ACP4: variants seen among roughly 807,000 people sequenced by gnomAD.
ACP4 encodes the protein acid phosphatase 4, also known as testicular acid phosphatase.
A neutral mutation model predicts 47.3 loss-of-function variants in ACP4; 49 were observed. The observed-to-expected ratio is 1.04, with a 90% CI of 0.82 to 1.32. The LOEUF (loss-of-function observed/expected upper bound fraction) is 1.32. Among genes scored for constraint, ACP4 ranks in the 40% most tolerant of loss-of-function variants. ACP4 has a pLI of 0.00. For missense variants in ACP4, 594 were observed against 579.3 expected, an observed-to-expected ratio of 1.03 and a Z score of -0.26; for synonymous variants, 299 against 265.3, an observed-to-expected ratio of 1.13 and a Z score of -1.23.
intron 6 of ACP4, chr19:50,792,676 CTTT>C (rs781192952): frequency 2.0e-3 from 221 of 110,626 alleles, no homozygotes; most frequent in Middle Eastern, 9.8e-3. Context: ...TGATGCAATG[CTTT>C]TTTTTTTTTT....
At position 50,794,523 on chromosome 19, in the gene ACP4, G is replaced by C. The variant is rs776638587; in HGVS notation, c.928G>C (p.Ala310Pro). ...GLYDGHTPPY[A>P]ACLGFEFRKH... Reference sequence around the variant, plus strand: ...CTATGATGGACACACCCCGCCATATGCTGCCTGCCTCGGCTTTGAGTTCCG... The same window carrying C: ...CTATGATGGACACACCCCGCCATATCCTGCCTGCCTCGGCTTTGAGTTCCG... Residue 310 changes from alanine to proline, a missense_variant, in exon 9 of 11, where the codon GCT becomes CCT. Transcript: ENST00000270593. 37 of 1,613,874 alleles carry C rather than the reference G, an allele frequency of 2.3e-5. No homozygotes were observed. The highest frequency in any genetic ancestry group is 1.0e-4 in the Admixed American group (6 of 59,994).
rs1404081516 is a variant in ACP4, at chr19:50,792,263, A to G, written c.571A>G (p.Asn191Asp). ...GWTGFLSRLENFTGLSLVGEP... is the reference protein window; with the variant it reads ...GWTGFLSRLEDFTGLSLVGEP... ...CCAGGGCTTCCTGAGTCGCCTGGAG[A>G]ACTTCACGGGACTGTCGCTGGTTGG... Residue 191 changes from asparagine to aspartate, a missense_variant, in exon 6 of 11, where the codon AAC (asparagine) becomes GAC (aspartate). Coordinates refer to ENST00000270593, the MANE Select transcript of ACP4 (RefSeq NM_033068.3). 1 of 1,613,350 alleles carries G rather than the reference A, an allele frequency of 6.2e-7. No individual in the cohort carries two copies. Among genetic ancestry groups the G allele is most frequent in the Non-Finnish European group, 8.5e-7 (1 of 1,179,986 alleles).
chr19:50,791,894 C>T lies in ACP4; in HGVS notation c.450+92C>T, dbSNP rs920263262. On this transcript the variant is annotated intron_variant, in intron 4 of 10. Transcript: ENST00000270593. ...GGCCGCCTGAGCTGGCTCCGAGAAG[C>T]AAGACTGTCCTCGAGCTGGTCTGTC... 4.0e-6 allele frequency: 6 copies of T among 1,491,232 alleles called. No individual in the cohort carries two copies. In the African/African-American group the frequency reaches 5.6e-5, roughly 14 times the overall value. The allele number at this position is 1,491,232 out of a possible 1,614,324, so 92.4% of individuals were successfully genotyped here. A position where few individuals can be genotyped will look rare whatever the true frequency, so the allele number is the denominator to read the frequency against.
At chr19:50,794,104 T>A in intron 8 of ACP4, 134 bp downstream of exon 8, 1 of 1,030,958 alleles carries the variant, frequency 9.7e-7, no homozygotes, top group South Asian at 1.3e-5. Flanking sequence ...CTCCAAACCC[T>A]ACTCTCAGGC....
chr19:50,794,695 A>C (rs945982069), intron 9 of ACP4, 91 bp from the exon 10 acceptor site: 6 of 1,581,782 alleles, frequency 3.8e-6, no homozygotes, highest in Non-Finnish European at 5.2e-6. Context: ...TGATGCTGGG[A>C]GGATGACAGG....
At position 50,795,070 on chromosome 19, in the gene ACP4, C is replaced by T. The variant is rs765080132; in HGVS notation, c.1193C>T (p.Ala398Val). The change falls in exon 11 of 11, where the codon GCT (alanine) becomes GTT (valine). Residue 398 changes from alanine to valine, a missense_variant. Transcript: ENST00000270593. Reference protein sequence around the residue: ...PAPVVPLLAGAVAVLVALSLG... With the variant: ...PAPVVPLLAGVVAVLVALSLG... ...CCAGTGGTGCCCCTGCTGGCCGGAG[C>T]TGTAGCTGTGCTGGTGGCACTCAGC... 35 of 1,600,848 alleles carry T rather than the reference C, an allele frequency of 2.2e-5. No homozygotes were observed. The highest frequency in any genetic ancestry group is 2.3e-5 in the Non-Finnish European group (27 of 1,174,452).
rs199887187 is a variant in ACP4 at position 50,792,160 on chromosome 19, G to A, written c.538G>A (p.Glu180Lys). ...TEAAEYQEAL[E>K]GWTGFLSRLE... ...GGCCGCCGAGTACCAGGAGGCCCTG[G>A]AGGGCTGGACGGTGAGCAGGGCGGC... The change falls in exon 5 of 11, where the codon GAG becomes AAG. Residue 180 changes from glutamate (E) to lysine (K), a missense_variant. Glu to Lys is a moderately conservative substitution (Grantham distance 56). Transcript: ENST00000270593. 1.9e-6 allele frequency: 3 copies of A among 1,610,284 alleles called. No homozygotes were observed. The highest frequency in any genetic ancestry group is 4.5e-5 in the East Asian group (2 of 44,846).
intron 9 of ACP4, 58 bp from the exon 10 acceptor site, chr19:50,794,728 C>T (rs1210782248): frequency 1.3e-6 from 2 of 1,571,950 alleles, no homozygotes; most frequent in Non-Finnish European, 1.7e-6. Context: ...GCCCTTTTCT[C>T]CAGGCTTTAA....
At position 50,790,770 on chromosome 19, in the gene ACP4, C is replaced by T; in HGVS notation, c.217-4C>T. On this transcript the variant is annotated splice_polypyrimidine_tract_variant and splice_region_variant and intron_variant, in intron 2 of 10. Transcript: ENST00000270593. The stretch of plus-strand genomic sequence containing the variant: ...GTGGTAGGCTGAGGCTGTTCTGTCC[C>T]CAGGAGGGGGTCCGCCAGCAGCTGG... 1 of 1,547,334 alleles carries T rather than the reference C, an allele frequency of 6.5e-7. No individual in the cohort carries two copies. The highest frequency in any genetic ancestry group is 1.4e-5 in the African/African-American group (1 of 73,080).
chr19:50,791,047 T>A (rs1055740316), intron 3 of ACP4, among the ~76,000 whole-genome samples, 187 bp downstream of exon 3: 1 of 152,134 alleles, frequency 6.6e-6, no homozygotes, highest in Non-Finnish European at 1.5e-5. Flanking sequence ...CATCTCAACC[T>A]GTCACATCTC....
In ACP4 at chr19:50,794,520, T is replaced by C. The variant is rs747524773; in HGVS notation, c.925T>C (p.Tyr309His). ...LGLYDGHTPP[Y>H]AACLGFEFRK... ...CCTCTATGATGGACACACCCCGCCA[T>C]ATGCTGCCTGCCTCGGCTTTGAGTT... The change falls in exon 9 of 11, where the codon TAT becomes CAT. Residue 309 changes from tyrosine to histidine, a missense_variant. Transcript: ENST00000270593. The C allele has an allele frequency of 1.4e-5, 22 of 1,613,948 alleles. No homozygotes were observed. Among genetic ancestry groups the C allele is most frequent in the Non-Finnish European group, 1.6e-5 (19 of 1,179,994 alleles).
intron 9 of ACP4, 25 bp from the exon 10 acceptor site, chr19:50,794,761 G>T (rs775092091): frequency 6.3e-7 from 1 of 1,579,058 alleles, no homozygotes; most frequent in Admixed American, 1.7e-5. Context: ...GAGGGAGGAG[G>T]TGCCACCATG....
In ACP4 at chr19:50,790,867, C is replaced by A; in HGVS notation, c.303+7C>A. On this transcript the variant is annotated splice_region_variant and intron_variant, in intron 3 of 10. Coordinates refer to ENST00000270593, the MANE Select transcript of ACP4 (RefSeq NM_033068.3). Reference sequence around the variant, plus strand: ...GGAGTACCGGCGGGAGGAGGTAGGGCCATAGTGACCCCCACCTGGCCCCCT... The same window carrying A: ...GGAGTACCGGCGGGAGGAGGTAGGGACATAGTGACCCCCACCTGGCCCCCT... 6 of 1,543,370 alleles carry A rather than the reference C, an allele frequency of 3.9e-6. No individual in the cohort carries two copies. Among genetic ancestry groups the A allele is most frequent in the South Asian group, 1.2e-5 (1 of 83,320 alleles).
At chr19:50,792,635 CA>C in intron 6 of ACP4, 1 of 310,758 alleles carries the variant, frequency 3.2e-6, no homozygotes, top group Non-Finnish European at 5.8e-6. Flanking sequence ...TCAGAAAACC[CA>C]AAACCTGGGC....
intron 9 of ACP4, 99 bp from the exon 10 acceptor site, chr19:50,794,687 A>T (rs266123): frequency 6.3e-7 from 1 of 1,590,472 alleles, no homozygotes; most frequent in Non-Finnish European, 8.6e-7. Context: ...GCATGGGATG[A>T]TGCTGGGAGG....
intron 5 of ACP4, 35 bp downstream of exon 5, chr19:50,792,206 G>C (rs775216661): frequency 5.6e-6 from 9 of 1,611,698 alleles, no homozygotes; most frequent in Admixed American, 1.7e-5. Flanking sequence ...GGGATGCAGG[G>C]GATGGGCCTG....
Position 50,795,092 on chromosome 19 carries a change from C to G in ACP4, c.1215C>G (p.Leu405=), listed in dbSNP as rs1274555628. The G allele has an allele frequency of 2.5e-6, 4 of 1,587,400 alleles. No homozygotes were observed. The highest frequency in any genetic ancestry group is 3.4e-6 in the Non-Finnish European group (4 of 1,167,896). The part of the protein sequence containing the change: ...LAGAVAVLVA[L]SLGLGLLAWR... ...GAGCTGTAGCTGTGCTGGTGGCACT[C>G]AGCTTGGGGCTGGGCCTGCTGGCCT... Residue 405 remains leucine, a synonymous_variant, in exon 11 of 11, where the codon CTC becomes CTG. Transcript: ENST00000270593.
intron 3 of ACP4, among the ~76,000 whole-genome samples, chr19:50,791,198 C>A (rs940781567): frequency 2.6e-5 from 4 of 152,196 alleles, no homozygotes; most frequent in Non-Finnish European, 4.4e-5. Context: ...GTTGACGTAA[C>A]TTGCCCTCTT....
Position 50,794,904 on chromosome 19 carries a change from G to T in ACP4, c.1105G>T (p.Ala369Ser), listed in dbSNP as rs1361267350. The change falls in exon 10 of 11, where the codon GCC becomes TCC. Residue 369 changes from alanine (A) to serine (S), a missense_variant. Coordinates refer to ENST00000270593, the MANE Select transcript of ACP4 (RefSeq NM_033068.3). ...CCGCTTCTACCAGCTGACTGCCCCGGCCCGGCCTCCCGCCCATGGGGTCTC... is the reference window on the plus strand; with the variant it reads ...CCGCTTCTACCAGCTGACTGCCCCGTCCCGGCCTCCCGCCCATGGGGTCTC... ...LGRFYQLTAP[A>S]RPPAHGVSCH... The T allele has an allele frequency of 6.2e-7, 1 of 1,613,458 alleles. No individual in the cohort carries two copies. Among genetic ancestry groups the T allele is most frequent in the Admixed American group, 1.7e-5 (1 of 59,942 alleles).
Sources: allele counts gnomAD v4.1 joint callset (sites outside exome capture counted in the v4.1 genomes callset), GRCh38; gene constraint gnomAD v4.1.1; transcripts MANE v1.5; gene names NCBI Gene and HGNC (gene_info 2026-07-23, HGNC 2026-07-21).